Variants in TRPM3 observed in about 807,000 individuals in gnomAD.
TRPM3 encodes the protein transient receptor potential cation channel subfamily M member 3, also known as long transient receptor potential channel 3.
TRPM3 carries 77 observed loss-of-function variants against 181.2 expected under a neutral mutation model. The observed-to-expected ratio is 0.42, with a 90% confidence interval of 0.35 to 0.51. TRPM3 has a LOEUF of 0.51. Among genes scored for constraint, TRPM3 ranks in the 20% least tolerant of loss-of-function variants. The pLI is 0.01. For missense variants in TRPM3, 1,759 were observed against 2,196.7 expected (o/e 0.80, Z 3.98); for synonymous variants, 745 against 796.4 (o/e 0.94, Z 1.09).
intron 1 of TRPM3, among the ~76,000 whole-genome samples, chr9:71,403,509 A>G (rs1034720108): frequency 3.2e-4 from 49 of 152,296 alleles, no homozygotes; most frequent in African/African-American, 9.9e-4. Flanking sequence ...AAAGATAATA[A>G]TGATGATCAT....
chr9:70,822,822 T>C (rs182475430), intron 6 of TRPM3, among the ~76,000 whole-genome samples: 1 of 151,760 alleles, frequency 6.6e-6, no homozygotes, highest in East Asian at 1.9e-4. Context: ...CCCTGGTATT[T>C]GGGTCTGTGC....
chr9:70,867,717 T>G (rs912753415), intron 1 of TRPM3, among the ~76,000 whole-genome samples: 1 of 152,092 alleles, frequency 6.6e-6, no homozygotes, highest in Admixed American at 6.5e-5. Context: ...ACACATGAAT[T>G]AGGAATTCTC....
chr9:70,781,944 C>G (rs7847799), intron 7 of TRPM3, among the ~76,000 whole-genome samples: 33,792 of 151,690 alleles, frequency 0.22, 4,554 homozygotes, highest in Non-Finnish European at 0.3. Flanking sequence ...ACCTGAGAAA[C>G]CTGAAATGCT....
chr9:71,301,302 T>C (rs2086750332), intron 1 of TRPM3, among the ~76,000 whole-genome samples: 1 of 152,142 alleles, frequency 6.6e-6, no homozygotes, highest in African/African-American at 2.4e-5. Context: ...TTGTACTGTA[T>C]AGATAGAAAG....
chr9:71,118,481 GA>G (rs2072915191), intron 1 of TRPM3, among the ~76,000 whole-genome samples: 1 of 152,150 alleles, frequency 6.6e-6, no homozygotes, highest in Non-Finnish European at 1.5e-5. Context: ...GATACCAAAG[GA>G]AGTTAGCAAA....
chr9:70,590,024 C>T (rs1042766466), intron 22 of TRPM3, among the ~76,000 whole-genome samples: 9 of 152,164 alleles, frequency 5.9e-5, no homozygotes, highest in Admixed American at 5.9e-4. Flanking sequence ...TCCATGTCCA[C>T]AGTCCAGGGC....
chr9:71,143,530 T>A (rs1363399503), intron 1 of TRPM3, among the ~76,000 whole-genome samples: 1 of 152,192 alleles, frequency 6.6e-6, no homozygotes, highest in African/African-American at 2.4e-5. Flanking sequence ...CATTCTTTTT[T>A]ATGGCTGCAT....
chr9:70,653,861 G>A (rs949014923), intron 9 of TRPM3, among the ~76,000 whole-genome samples: 5 of 152,104 alleles, frequency 3.3e-5, no homozygotes, highest in African/African-American at 1.2e-4. Flanking sequence ...GGGGTGTTCT[G>A]TTTTCTTTGT....
chr9:70,779,104 T>C (rs1478691463), intron 7 of TRPM3, among the ~76,000 whole-genome samples: 7 of 152,152 alleles, frequency 4.6e-5, no homozygotes, highest in Admixed American at 4.6e-4. Flanking sequence ...TTAAACATCC[T>C]TTAAACAGGA....
chr9:70,776,534 G>A, intron 7 of TRPM3: 1 of 681,822 alleles, frequency 1.5e-6, no homozygotes, highest in Non-Finnish European at 2.7e-6. Context: ...TAAGTAAACT[G>A]AATGCCCTTA....
intron 18 of TRPM3, among the ~76,000 whole-genome samples, chr9:70,613,129 C>T (rs2062233721): frequency 6.6e-6 from 1 of 152,196 alleles, no homozygotes; most frequent in African/African-American, 2.4e-5. Context: ...GCTTGTCTTT[C>T]ACGGGTTTAA....
intron 1 of TRPM3, among the ~76,000 whole-genome samples, chr9:71,306,673 A>C (rs561896373): frequency 6.6e-6 from 1 of 152,302 alleles, no homozygotes; most frequent in South Asian, 2.1e-4. Flanking sequence ...CAAGAGATCG[A>C]GACAATCCTG....
intron 1 of TRPM3, among the ~76,000 whole-genome samples, chr9:71,174,933 TA>T (rs1193733968): frequency 6.6e-6 from 1 of 152,056 alleles, no homozygotes; most frequent in Non-Finnish European, 1.5e-5. Flanking sequence ...TCTTTAAAAG[TA>T]GAAGAGGAGG....
At chr9:70,956,510 G>A (rs116419302) in intron 1 of TRPM3, among the ~76,000 whole-genome samples, 240 of 152,156 alleles carry the variant, frequency 1.6e-3, no homozygotes, top group African/African-American at 5.4e-3. Flanking sequence ...ACTAAACTAG[G>A]AATCTGTGGA....
intron 12 of TRPM3, among the ~76,000 whole-genome samples, chr9:70,632,674 T>C (rs2066088823): frequency 6.6e-6 from 1 of 152,214 alleles, no homozygotes. Flanking sequence ...GGTAACTGCA[T>C]GCTTATATAA....
At chr9:70,879,102 G>A (rs1353202384) in intron 1 of TRPM3, among the ~76,000 whole-genome samples, 1 of 152,072 alleles carries the variant, frequency 6.6e-6, no homozygotes, top group South Asian at 2.1e-4. Flanking sequence ...TGCAGATAAG[G>A]ACACTGAGGA....
At chr9:71,309,837 G>T (rs1419811438) in intron 1 of TRPM3, among the ~76,000 whole-genome samples, 1 of 151,952 alleles carries the variant, frequency 6.6e-6, no homozygotes, top group African/African-American at 2.4e-5. Flanking sequence ...CAGAATAAAA[G>T]ATTCCCTCAG....
chr9:70,536,164 T>A lies in TRPM3; in HGVS notation c.4949A>T (p.Tyr1650Phe). 6.2e-7 allele frequency: 1 copy of A among 1,614,190 alleles called. No individual in the cohort carries two copies. Among genetic ancestry groups the A allele is most frequent in the Middle Eastern group, 1.6e-4 (1 of 6,062 alleles). The change falls in exon 26 of 26, where the codon TAC becomes TTC. Residue 1650 changes from tyrosine to phenylalanine, a missense_variant. Around this residue, in one of 8 missense-constraint regions of TRPM3, gnomAD observed 612 missense variants for 590.0 expected, o/e 1.04. Coordinates refer to ENST00000677713, the MANE Select transcript of TRPM3 (RefSeq NM_001366145.2). Reference sequence around the variant, plus strand: ...TGGCGCACTTGGCTCCTCTGCCGAGTAGCTGTTGGCGCGCTCTATCTTGGG... The same window carrying A: ...TGGCGCACTTGGCTCCTCTGCCGAGAAGCTGTTGGCGCGCTCTATCTTGGG... ...TVPKIERANS[Y>F]SAEEPSAPYA...
chr9:70,635,357 A>C, intron 11 of TRPM3, 96 bp from the exon 12 acceptor site: 1 of 991,682 alleles, frequency 1.0e-6, no homozygotes. Flanking sequence ...TGGCTGGTGG[A>C]GGGCAGTTCA....
Sources: allele counts gnomAD v4.1 joint callset (sites outside exome capture counted in the v4.1 genomes callset), GRCh38; gene constraint gnomAD v4.1.1; regional missense constraint gnomAD v4.1.1; transcripts MANE v1.5; gene names NCBI Gene and HGNC (gene_info 2026-07-23, HGNC 2026-07-21).